The following HSD17B12 variants were observed in gnomAD, a reference collection of about 807,000 sequenced individuals.
The protein encoded by HSD17B12 is hydroxysteroid 17-beta dehydrogenase 12.
HSD17B12 carries 32 observed loss-of-function variants against 39.3 expected under a neutral mutation model. The ratio of observed to expected loss-of-function variants is 0.81; its 90% confidence interval spans 0.61 to 1.09. The LOEUF (loss-of-function observed/expected upper bound fraction) is 1.09. Among genes scored for constraint, HSD17B12 ranks in the 50% least tolerant of loss-of-function variants. The probability of loss-of-function intolerance (pLI) is 0.00; values close to 1 mark genes in which losing one functional copy is unlikely to be tolerated. For missense variants in HSD17B12, 342 were observed against 382.9 expected, an observed-to-expected ratio of 0.89 and a Z score of 0.89; for synonymous variants, 150 against 146.7, an observed-to-expected ratio of 1.02 and a Z score of -0.16.
the HSD17B12 span, among the ~76,000 whole-genome samples, chr11:43,654,152 T>TGCCATCA: frequency 1.3e-5 from 2 of 152,220 alleles, no homozygotes; most frequent in Non-Finnish European, 2.9e-5. Flanking sequence ...CCAGTGATGG[T>TGCCATCA]GAGCATTTTT....
At chr11:43,663,289 A>G in the HSD17B12 span, among the ~76,000 whole-genome samples, 1 of 152,152 alleles carries the variant, frequency 6.6e-6, no homozygotes, top group African/African-American at 2.4e-5. Flanking sequence ...TAGTAGCGAC[A>G]GGGTTTCACC....
chr11:43,852,947 A>C (rs539884345), intron 9 of HSD17B12: 1 of 152,302 alleles, frequency 6.6e-6, no homozygotes, highest in South Asian at 2.1e-4. Context: ...GGTTCTAATG[A>C]AGAGGCTGAG....
the HSD17B12 span, among the ~76,000 whole-genome samples, chr11:43,621,990 C>T: frequency 6.6e-6 from 1 of 152,212 alleles, no homozygotes; most frequent in Admixed American, 6.5e-5. Flanking sequence ...CTTAACTGAT[C>T]TGCATCTGCT....
In HSD17B12 at chr11:43,807,262, T is replaced by A. The variant is rs12286875; in HGVS notation, c.392-8175T>A. Among the ~76,000 whole-genome samples, 604 of 152,306 alleles carry A rather than the reference T, an allele frequency of 4.0e-3. 1 individual carries two copies. The highest frequency in any genetic ancestry group is 0.014 in the African/African-American group (575 of 41,548). On this transcript the variant is annotated intron_variant, in intron 4 of 10. Transcript: ENST00000278353. ...TGTTGCATGTAATGAAGGAGAATGTTACTGGGAAAGCTAAGGGTGTCACAG... is the reference window on the plus strand; with the variant it reads ...TGTTGCATGTAATGAAGGAGAATGTAACTGGGAAAGCTAAGGGTGTCACAG...
chr11:43,621,937 A>C, the HSD17B12 span, among the ~76,000 whole-genome samples: 1 of 152,218 alleles, frequency 6.6e-6, no homozygotes, highest in Non-Finnish European at 1.5e-5. Context: ...TTGAGGCTGC[A>C]CTAAAAAATC....
chr11:43,791,845 C>G (rs1395159640), intron 3 of HSD17B12, among the ~76,000 whole-genome samples: 1 of 152,112 alleles, frequency 6.6e-6, no homozygotes, highest in African/African-American at 2.4e-5. Flanking sequence ...AATATAATAA[C>G]CTTGGCTTAA....
At chr11:43,605,990 T>C in the HSD17B12 span, among the ~76,000 whole-genome samples, 1 of 152,168 alleles carries the variant, frequency 6.6e-6, no homozygotes, top group African/African-American at 2.4e-5. Context: ...ATGAGGATTA[T>C]TGGCAACACA....
At chr11:43,778,384 A>G (rs1950731231) in intron 3 of HSD17B12, among the ~76,000 whole-genome samples, 1 of 152,250 alleles carries the variant, frequency 6.6e-6, no homozygotes, top group South Asian at 2.1e-4. Context: ...AGATGGATTC[A>G]CAGCCGAATT....
chr11:43,809,899 A>G (rs1951054493), intron 4 of HSD17B12, among the ~76,000 whole-genome samples: 2 of 152,240 alleles, frequency 1.3e-5, no homozygotes, highest in South Asian at 2.1e-4. Context: ...ATTAGCATTT[A>G]TAACCACAAA....
the HSD17B12 span, among the ~76,000 whole-genome samples, chr11:43,598,175 AG>A: frequency 1.3e-5 from 2 of 152,072 alleles, no homozygotes; most frequent in African/African-American, 4.8e-5. Context: ...AGACACCCAG[AG>A]TTACGTGTTT....
chr11:43,801,595 G>GATAGATATAT (rs1950968750), intron 4 of HSD17B12, among the ~76,000 whole-genome samples: 1 of 72,786 alleles, frequency 1.4e-5, no homozygotes, highest in South Asian at 4.9e-4. Flanking sequence ...GATAGTTGGA[G>GATAGATATAT]ATATATATAT....
intron 1 of HSD17B12, among the ~76,000 whole-genome samples, chr11:43,749,160 A>G (rs987748206): frequency 6.6e-6 from 1 of 152,228 alleles, no homozygotes; most frequent in African/African-American, 2.4e-5. Flanking sequence ...ACAGAGGAAC[A>G]TGTTAAATGG....
At position 43,794,214 on chromosome 11, in the gene HSD17B12, C is replaced by T. The variant is rs553831255; in HGVS notation, c.284-4106C>T. ...TGCTAGCTCATACAATTTCAGATAC[C>T]GACTGATTTGTCAATAGGCATCAAT... On this transcript the variant is annotated intron_variant, in intron 3 of 10. Transcript: ENST00000278353. Among the ~76,000 whole-genome samples the T allele has an allele frequency of 7.2e-5, 11 of 152,160 alleles. No homozygotes were observed. In the South Asian group the frequency reaches 1.5e-3, roughly 20 times the overall value.
Position 43,854,709 on chromosome 11 carries a change from T to C in HSD17B12, c.685-6T>C, listed in dbSNP as rs368969664. 6.4e-5 allele frequency: 103 copies of C among 1,612,950 alleles called. No homozygotes were observed. The highest frequency in any genetic ancestry group is 3.1e-5 in the Non-Finnish European group (37 of 1,179,944). ...ATGTTTTCTGGGGTGGGTGTTCCCT[T>C]TCTAGAGTGTCCTGCCATACTTCGT... is the stretch of plus-strand genomic sequence containing the variant. On this transcript the variant is annotated splice_region_variant and splice_polypyrimidine_tract_variant and intron_variant, in intron 9 of 10. Coordinates refer to ENST00000278353, the MANE Select transcript of HSD17B12 (RefSeq NM_016142.3).
chr11:43,594,517 TTTCTTTTCTC>T, the HSD17B12 span, among the ~76,000 whole-genome samples: 3 of 151,758 alleles, frequency 2.0e-5, no homozygotes. Flanking sequence ...CTGATTTGGT[TTTCTTTTCTC>T]TTTTTTTTTT....
chr11:43,791,129 T>C (rs982306599), intron 3 of HSD17B12, among the ~76,000 whole-genome samples: 5 of 152,180 alleles, frequency 3.3e-5, no homozygotes, highest in Admixed American at 3.3e-4. Flanking sequence ...ACCAGTTGAG[T>C]TGGCACTCAA....
chr11:43,791,740 C>G (rs1445678603), intron 3 of HSD17B12, among the ~76,000 whole-genome samples: 2 of 152,052 alleles, frequency 1.3e-5, no homozygotes, highest in Non-Finnish European at 2.9e-5. Flanking sequence ...AAGGATGGAG[C>G]CTATTCACGT....
At chr11:43,761,463 C>T (rs775808288) in intron 3 of HSD17B12, among the ~76,000 whole-genome samples, 15 of 152,184 alleles carry the variant, frequency 9.9e-5, no homozygotes, top group African/African-American at 1.4e-4. Flanking sequence ...ACTGTTGCAG[C>T]GTAACAAACC....
At chr11:43,717,621 A>G (rs1364395345) in intron 1 of HSD17B12, among the ~76,000 whole-genome samples, 1 of 152,136 alleles carries the variant, frequency 6.6e-6, no homozygotes, top group African/African-American at 2.4e-5. Context: ...TGGGGCCTTG[A>G]TACTAGTTGT....
Sources: allele counts gnomAD v4.1 joint callset (sites outside exome capture counted in the v4.1 genomes callset), GRCh38; gene constraint gnomAD v4.1.1; transcripts MANE v1.5; gene names NCBI Gene and HGNC (gene_info 2026-07-23, HGNC 2026-07-21).